The following KIZ variants were observed in gnomAD, a reference collection of about 807,000 sequenced individuals.
The protein encoded by KIZ is centrosomal protein kizuna.
Under a neutral mutation model 79.6 loss-of-function variants are expected in KIZ, and 68 were observed. The observed-to-expected ratio is 0.85, with a 90% CI of 0.70 to 1.05. The LOEUF is 1.05. KIZ is among the 50% of genes least tolerant of loss of function. KIZ has a pLI of 0.00. For synonymous variants in KIZ, 280 were observed against 281.8 expected (o/e 0.99, Z 0.06); for missense variants, 797 against 800.4 (o/e 1.00, Z 0.05).
chr20:21,156,985 A>G (rs2033416888), intron 4 of KIZ, among the ~76,000 whole-genome samples: 1 of 152,200 alleles, frequency 6.6e-6, no homozygotes, highest in African/African-American at 2.4e-5. Context: ...AAAGCCACGC[A>G]TGCTGATGCA....
At chr20:21,209,314 A>G (rs1043694007) in intron 7 of KIZ, among the ~76,000 whole-genome samples, 1 of 152,220 alleles carries the variant, frequency 6.6e-6, no homozygotes, top group African/African-American at 2.4e-5. Flanking sequence ...TTTGTGGAAA[A>G]AAAATGAGTT....
intron 3 of KIZ, among the ~76,000 whole-genome samples, chr20:21,143,853 G>A (rs1314879437): frequency 1.3e-5 from 2 of 152,128 alleles, no homozygotes; most frequent in Admixed American, 6.5e-5. Flanking sequence ...ATAACCAGGT[G>A]TTGTATGCAA....
chr20:21,226,514 C>T (rs1376032199), intron 9 of KIZ, among the ~76,000 whole-genome samples: 3 of 152,138 alleles, frequency 2.0e-5, no homozygotes, highest in African/African-American at 4.8e-5. Flanking sequence ...TGCAACAATT[C>T]TGACTAAATA....
At chr20:21,136,346 T>G in intron 2 of KIZ, 44 bp from the exon 3 acceptor site, 2 of 1,121,714 alleles carry the variant, frequency 1.8e-6, no homozygotes, top group Non-Finnish European at 1.3e-6. Flanking sequence ...CTTAGATTCG[T>G]CCAAGTCTAG....
chr20:21,177,415 G>A (rs932412192), intron 6 of KIZ, among the ~76,000 whole-genome samples: 14 of 152,030 alleles, frequency 9.2e-5, no homozygotes, highest in African/African-American at 1.9e-4. Context: ...TCTTTAGCCC[G>A]TATTTTAATC....
At chr20:21,205,712 C>T (rs2035797727) in intron 7 of KIZ, 128 bp downstream of exon 7, 1 of 516,000 alleles carries the variant, frequency 1.9e-6, no homozygotes, top group Non-Finnish European at 3.4e-6. Context: ...CCTGTAATCC[C>T]AGCACTTTTG....
At position 21,180,509 on chromosome 20, in the gene KIZ, G is replaced by A. The variant is rs187904997; in HGVS notation, c.1352+17350G>A. Among the ~76,000 whole-genome samples the A allele has an allele frequency of 1.8e-3, 276 of 152,136 alleles. 1 individual carries two copies. Among genetic ancestry groups the A allele is most frequent in the Non-Finnish European group, 2.9e-3 (199 of 67,988 alleles). On this transcript the variant is annotated intron_variant, in intron 6 of 12. Transcript: ENST00000619189. The stretch of plus-strand genomic sequence containing the variant: ...AGCCGACTTCAGCCTCTGTTGGGAA[G>A]GGAACCAGCAGTCAAGCCAAATCCT...
intron 11 of KIZ, among the ~76,000 whole-genome samples, chr20:21,239,985 A>G (rs2037160975): frequency 6.6e-6 from 1 of 152,220 alleles, no homozygotes; most frequent in African/African-American, 2.4e-5. Context: ...AAGTCAGTAC[A>G]GCAGAATGGT....
At chr20:21,171,903 T>C (rs2034221868) in intron 6 of KIZ, among the ~76,000 whole-genome samples, 1 of 152,206 alleles carries the variant, frequency 6.6e-6, no homozygotes, top group African/African-American at 2.4e-5. Flanking sequence ...GGTGCCCCAG[T>C]CCATAGTCCT....
intron 3 of KIZ, among the ~76,000 whole-genome samples, chr20:21,144,772 T>C (rs2122497774): frequency 6.6e-6 from 1 of 152,284 alleles, no homozygotes; most frequent in East Asian, 1.9e-4. Flanking sequence ...TTTCATCTCA[T>C]AGGTGTGTTT....
At chr20:21,162,756 T>G in intron 5 of KIZ, 94 bp from the exon 6 acceptor site, 1 of 1,017,154 alleles carries the variant, frequency 9.8e-7, no homozygotes. Context: ...GGGTTGCTTC[T>G]CCATGTTTTT....
chr20:21,209,100 C>T (rs1374901825), intron 7 of KIZ, among the ~76,000 whole-genome samples: 2 of 152,046 alleles, frequency 1.3e-5, no homozygotes, highest in African/African-American at 2.4e-5. Context: ...ATTAAAAAGC[C>T]GCATGTAAAT....
At chr20:21,216,121 A>G (rs1199572980) in intron 9 of KIZ, among the ~76,000 whole-genome samples, 2 of 152,208 alleles carry the variant, frequency 1.3e-5, no homozygotes, top group Admixed American at 6.5e-5. Flanking sequence ...AATTGTACCA[A>G]TCGGGCTTCA....
At chr20:21,224,135 A>G (rs2036588655) in intron 9 of KIZ, among the ~76,000 whole-genome samples, 1 of 151,710 alleles carries the variant, frequency 6.6e-6, no homozygotes, top group Non-Finnish European at 1.5e-5. Flanking sequence ...CTGGGACTAC[A>G]GGCACGCGCC....
chr20:21,232,710 T>A, intron 10 of KIZ, 24 bp from the exon 11 acceptor site: 1 of 1,274,676 alleles, frequency 7.8e-7, no homozygotes, highest in South Asian at 1.3e-5. Context: ...TAACCCTCAC[T>A]CTCCATGTTT....
chr20:21,243,376 G>T (rs1242503821), intron 11 of KIZ, among the ~76,000 whole-genome samples: 1 of 152,098 alleles, frequency 6.6e-6, no homozygotes, highest in Non-Finnish European at 1.5e-5. Context: ...TTGGCCCAAA[G>T]GGAAGGAAAA....
intron 9 of KIZ, among the ~76,000 whole-genome samples, chr20:21,223,663 CTCTTTTTTTTT>C (rs1163173896): frequency 1.4e-5 from 2 of 147,728 alleles, no homozygotes; most frequent in Non-Finnish European, 3.0e-5. Context: ...TTCTCTCTCT[CTCTTTTTTTTT>C]TTTTTTTTTT....
chr20:21,144,467 G>T (rs776705549), intron 3 of KIZ, among the ~76,000 whole-genome samples: 18 of 152,064 alleles, frequency 1.2e-4, no homozygotes, highest in Non-Finnish European at 2.2e-4. Flanking sequence ...TTGTATCTTT[G>T]TTATTGCTTT....
intron 3 of KIZ, among the ~76,000 whole-genome samples, chr20:21,141,684 C>T (rs2122452240): frequency 6.6e-6 from 1 of 152,148 alleles, no homozygotes; most frequent in Middle Eastern, 3.4e-3. Context: ...GCACAAGAGT[C>T]TTCATCTGGT....
Sources: gnomAD v4.1 joint callset for allele counts (sites outside exome capture counted in the v4.1 genomes callset) on GRCh38, gnomAD v4.1.1 for gene constraint, MANE v1.5 for transcripts, NCBI Gene and HGNC (gene_info 2026-07-23, HGNC 2026-07-21) for gene names.